ITGB3BP: variants seen among roughly 807,000 people sequenced by gnomAD.
The protein encoded by ITGB3BP is centromere protein R.
ITGB3BP carries 27 observed loss-of-function variants against 29.1 expected under a neutral mutation model. The ratio of observed to expected loss-of-function variants is 0.93; its 90% CI spans 0.68 to 1.28. The LOEUF (loss-of-function observed/expected upper bound fraction) is 1.28, where lower values mean the gene tolerates loss of function less well. Among genes scored for constraint, ITGB3BP ranks in the 50% most tolerant of loss-of-function variants. The probability of loss-of-function intolerance (pLI) is 0.00; values close to 1 mark genes in which losing one functional copy is unlikely to be tolerated. For synonymous variants in ITGB3BP, 61 were observed against 61.4 expected, an observed-to-expected ratio of 0.99 and a Z score of 0.03; for missense variants, 192 against 200.2, an observed-to-expected ratio of 0.96 and a Z score of 0.25.
At chr1:63,478,388 C>T (rs1455559899) in intron 4 of ITGB3BP, among the ~76,000 whole-genome samples, 2 of 152,216 alleles carry the variant, frequency 1.3e-5, no homozygotes, top group Non-Finnish European at 2.9e-5. Flanking sequence ...TCTCACTCTG[C>T]TGGCTTCACT....
chr1:63,461,839 C>A (rs1035668940), intron 4 of ITGB3BP, among the ~76,000 whole-genome samples: 2 of 152,218 alleles, frequency 1.3e-5, no homozygotes, highest in African/African-American at 4.8e-5. Context: ...CTACTGTTAA[C>A]GCCAGTGCCA....
At chr1:63,498,537 C>G (rs1645846010) in intron 2 of ITGB3BP, among the ~76,000 whole-genome samples, 1 of 151,616 alleles carries the variant, frequency 6.6e-6, no homozygotes, top group Non-Finnish European at 1.5e-5. Flanking sequence ...CATAGAAAAA[C>G]TTAATGGGAT....
At chr1:63,453,875 A>G in intron 7 of ITGB3BP, 43 bp downstream of exon 7, 1 of 1,189,474 alleles carries the variant, frequency 8.4e-7, no homozygotes, top group South Asian at 1.3e-5. Flanking sequence ...GCAAAATGGG[A>G]TGAAAGCATC....
At chr1:63,515,290 G>A (rs1222813701) in intron 1 of ITGB3BP, among the ~76,000 whole-genome samples, 2 of 152,028 alleles carry the variant, frequency 1.3e-5, no homozygotes, top group Non-Finnish European at 2.9e-5. Flanking sequence ...GAGCTGCTTT[G>A]GTACCTTTGT....
At chr1:63,505,320 T>A (rs1646049237) in intron 2 of ITGB3BP, among the ~76,000 whole-genome samples, 1 of 152,216 alleles carries the variant, frequency 6.6e-6, no homozygotes, top group Admixed American at 6.5e-5. Context: ...TAGTATTCTC[T>A]GATGGTAGTT....
At chr1:63,447,163 T>C in intron 7 of ITGB3BP, 1 of 319,268 alleles carries the variant, frequency 3.1e-6, no homozygotes, top group Non-Finnish European at 5.9e-6. Flanking sequence ...TTGTGCTAGA[T>C]TCTATATCCC....
intron 1 of ITGB3BP, among the ~76,000 whole-genome samples, chr1:63,521,568 A>C (rs919311067): frequency 6.6e-6 from 1 of 152,162 alleles, no homozygotes; most frequent in African/African-American, 2.4e-5. Flanking sequence ...ACAGTGGCTA[A>C]CTCCTATAGT....
At chr1:63,452,869 C>A (rs1174687789) in intron 7 of ITGB3BP, among the ~76,000 whole-genome samples, 2 of 152,070 alleles carry the variant, frequency 1.3e-5, no homozygotes. Flanking sequence ...CATTGCCAAC[C>A]GATCACTGGC....
Position 63,523,196 on chromosome 1 carries a change from G to C in ITGB3BP, c.-63C>G, listed in dbSNP as rs1344817178. On this transcript the variant is annotated 5_prime_UTR_variant, in exon 1 of 9. Transcript: ENST00000271002. ...ACGAACCCAGCAACTTCCGAAAACA[G>C]AAAATCCGCCAAAGGAAACGCCAAG... The C allele has an allele frequency of 1.2e-6, 2 of 1,610,996 alleles. No homozygotes were observed. Among genetic ancestry groups the C allele is most frequent in the African/African-American group, 1.3e-5 (1 of 74,800 alleles).
chr1:63,459,435 G>A (rs1644981565), intron 4 of ITGB3BP, among the ~76,000 whole-genome samples: 1 of 151,966 alleles, frequency 6.6e-6, no homozygotes, highest in South Asian at 2.1e-4. Flanking sequence ...AATTCCTTAG[G>A]TTTTCTTTAT....
At chr1:63,452,292 A>G (rs1046496230) in intron 7 of ITGB3BP, among the ~76,000 whole-genome samples, 3 of 152,200 alleles carry the variant, frequency 2.0e-5, no homozygotes, top group African/African-American at 7.2e-5. Context: ...GCAAAGGCCA[A>G]CTATATTAAG....
At chr1:63,459,414 T>C (rs1288188945) in intron 4 of ITGB3BP, among the ~76,000 whole-genome samples, 1 of 152,162 alleles carries the variant, frequency 6.6e-6, no homozygotes, top group East Asian at 1.9e-4. Context: ...AAAATGTACA[T>C]AACAGGGATG....
At chr1:63,497,128 G>T (rs1645806026) in intron 2 of ITGB3BP, among the ~76,000 whole-genome samples, 1 of 152,126 alleles carries the variant, frequency 6.6e-6, no homozygotes. Context: ...ATAAATGTAT[G>T]AAGCAAAGAC....
chr1:63,518,359 G>A lies in ITGB3BP; in HGVS notation c.5+4770C>T, dbSNP rs962574374. Among the ~76,000 whole-genome samples, 34 of 152,146 alleles carry A rather than the reference G, an allele frequency of 2.2e-4. 1 individual carries two copies. Among genetic ancestry groups the A allele is most frequent in the African/African-American group, 7.9e-4 (33 of 41,520 alleles). ...ATCATGCTAAGTTGTATTTTTCAAG[G>A]AATTTGTCAATTTTGTATAAGTTGT... On this transcript the variant is annotated intron_variant, in intron 1 of 8. Transcript: ENST00000271002.
intron 4 of ITGB3BP, among the ~76,000 whole-genome samples, chr1:63,462,139 CTTCT>C (rs1382088276): frequency 2.6e-5 from 4 of 152,124 alleles, no homozygotes; most frequent in Non-Finnish European, 4.4e-5. Context: ...TTATTTAGAT[CTTCT>C]TTAATTTCTT....
chr1:63,500,064 C>T (rs548794096), intron 2 of ITGB3BP, among the ~76,000 whole-genome samples: 4 of 152,178 alleles, frequency 2.6e-5, no homozygotes, highest in Non-Finnish European at 5.9e-5. Flanking sequence ...TTGCAGATGA[C>T]CTGATCTTAT....
At chr1:63,479,808 G>C (rs552378744) in intron 3 of ITGB3BP, among the ~76,000 whole-genome samples, 22 of 152,206 alleles carry the variant, frequency 1.4e-4, no homozygotes, top group Admixed American at 1.0e-3. Flanking sequence ...GCATTCCACT[G>C]AGTATATATA....
At chr1:63,511,864 T>C (rs1167961728) in intron 1 of ITGB3BP, among the ~76,000 whole-genome samples, 1 of 152,034 alleles carries the variant, frequency 6.6e-6, no homozygotes, top group Non-Finnish European at 1.5e-5. Context: ...TGAATGGTGG[T>C]GATGGTTGCA....
At chr1:63,486,446 T>A (rs561239742) in intron 3 of ITGB3BP, among the ~76,000 whole-genome samples, 1 of 152,182 alleles carries the variant, frequency 6.6e-6, no homozygotes, top group African/African-American at 2.4e-5. Context: ...CAAAGTCAAT[T>A]AATACATATT....
Sources: allele counts gnomAD v4.1 joint callset (sites outside exome capture counted in the v4.1 genomes callset), GRCh38; gene constraint gnomAD v4.1.1; transcripts MANE v1.5; gene names NCBI Gene and HGNC (gene_info 2026-07-23, HGNC 2026-07-21).